Variants in NTRK3 observed in about 807,000 individuals in gnomAD.
NTRK3 encodes the protein neurotrophic receptor tyrosine kinase 3.
NTRK3 carries 24 observed loss-of-function variants against 91.7 expected under a neutral mutation model. That is an observed-to-expected ratio of 0.26 (90% CI 0.19 to 0.37). The LOEUF is 0.37. Ranked by LOEUF, NTRK3 falls within the 10% of genes least tolerant of loss-of-function variation. The pLI is 1.00. For missense variants in NTRK3, 880 were observed against 1,068.9 expected (o/e 0.82, Z 2.46); for synonymous variants, 483 against 404.0 (o/e 1.20, Z -2.34).
chr15:88,213,034 G>A (rs1038283917), intron 3 of NTRK3, among the ~76,000 whole-genome samples: 5 of 152,242 alleles, frequency 3.3e-5, no homozygotes, highest in South Asian at 2.1e-4. Context: ...GAATGGCCCC[G>A]TATGTGTGAG....
chr15:87,995,326 A>G (rs1408847727), intron 14 of NTRK3, among the ~76,000 whole-genome samples: 1 of 152,222 alleles, frequency 6.6e-6, no homozygotes, highest in African/African-American at 2.4e-5. Flanking sequence ...TAAAAGCAGT[A>G]CAGGGAGAGT....
rs60620542 is a variant in NTRK3, at chr15:88,212,700, TCACACACACACACACACACACACACACA to T, written c.249-28429_249-28402del. ...CATGGAAGCTGTTTTGGCTGCTGCA[TCACACACACACACACACACACACACACA>T]CACACACACACACACACACACACAC... is the stretch of plus-strand genomic sequence containing the variant. On this transcript the variant is annotated intron_variant, in intron 3 of 18. Coordinates refer to ENST00000394480, the Ensembl canonical transcript of NTRK3. 5.2e-3 allele frequency among the ~76,000 whole-genome samples: 750 copies of T among 145,070 alleles called. 17 individuals carry two copies. Among genetic ancestry groups the T allele is most frequent in the African/African-American group, 8.4e-3 (321 of 38,208 alleles).
chr15:88,202,840 A>C (rs1267963778), intron 3 of NTRK3, among the ~76,000 whole-genome samples: 1 of 152,228 alleles, frequency 6.6e-6, no homozygotes, highest in Admixed American at 6.5e-5. Flanking sequence ...CCAGAAGATA[A>C]AGAAGGAAAA....
intron 14 of NTRK3, among the ~76,000 whole-genome samples, chr15:87,942,987 C>A (rs1220697878): frequency 6.6e-6 from 1 of 152,106 alleles, no homozygotes; most frequent in East Asian, 1.9e-4. Context: ...GGGAAGAGCA[C>A]CGTTTGGCCC....
At chr15:88,131,268 A>G (rs1457078353) in intron 10 of NTRK3, among the ~76,000 whole-genome samples, 2 of 152,132 alleles carry the variant, frequency 1.3e-5, no homozygotes, top group Non-Finnish European at 2.9e-5. Flanking sequence ...TCATTCATTC[A>G]CCCATTCATT....
intron 17 of NTRK3, among the ~76,000 whole-genome samples, chr15:87,887,713 C>T (rs563757112): frequency 3.3e-5 from 5 of 152,274 alleles, no homozygotes; most frequent in South Asian, 2.1e-4. Flanking sequence ...TTGACAAATA[C>T]GTCCCATGGT....
intron 3 of NTRK3, among the ~76,000 whole-genome samples, chr15:88,200,009 C>G (rs1255004335): frequency 1.3e-5 from 2 of 152,172 alleles, no homozygotes; most frequent in Non-Finnish European, 2.9e-5. Context: ...ACGTCCAACC[C>G]CAATCAGCTC....
chr15:88,192,296 G>A (rs557982628), intron 3 of NTRK3, among the ~76,000 whole-genome samples: 1 of 152,276 alleles, frequency 6.6e-6, no homozygotes, highest in African/African-American at 2.4e-5. Flanking sequence ...CTGGGAGCCA[G>A]CCAGTTCACT....
chr15:88,068,149 T>C (rs2046814769), intron 13 of NTRK3, among the ~76,000 whole-genome samples: 1 of 152,168 alleles, frequency 6.6e-6, no homozygotes, highest in Non-Finnish European at 1.5e-5. Context: ...TTAAGGTTTA[T>C]GGCCAGGTGC....
At position 88,216,196 on chromosome 15, in the gene NTRK3, G is replaced by A. The variant is rs74027903; in HGVS notation, c.249-31897C>T. Among the ~76,000 whole-genome samples the A allele has an allele frequency of 8.5e-3, 1,298 of 152,276 alleles. 23 individuals carry two copies. The highest frequency in any genetic ancestry group is 0.03 in the African/African-American group (1,237 of 41,540). On this transcript the variant is annotated intron_variant, in intron 3 of 18. Coordinates refer to ENST00000394480, the Ensembl canonical transcript of NTRK3. ...CGAGTTGTTATGTTGTAGCTCACTG[G>A]GGCAGGGAGGACAGGAGCAGTTGAT...
exon 7 of NTRK3, chr15:88,137,546 G>A (rs376455375): frequency 1.7e-5 from 28 of 1,613,912 alleles, no homozygotes; most frequent in Non-Finnish European, 2.3e-5. Flanking sequence ...AGTTGAAAAA[G>A]TTCTGCTCCA....
At chr15:88,148,522 G>A (rs1014356036) in intron 5 of NTRK3, among the ~76,000 whole-genome samples, 2 of 152,166 alleles carry the variant, frequency 1.3e-5, no homozygotes, top group Non-Finnish European at 2.9e-5. Flanking sequence ...ACCAAGGGAG[G>A]AGTGTTTCAG....
chr15:88,233,859 A>G lies in NTRK3; in HGVS notation c.248+22047T>C, dbSNP rs2051437836. ...GCCTCCCTAGAACAAAGCCAGAAAC[A>G]TGGCTCTCAGGGCTGTGAAAACAAA... On this transcript the variant is annotated intron_variant, in intron 3 of 18. Transcript: ENST00000394480. The surrounding 1 kb of genome is among the most constrained non-coding windows in gnomAD (Gnocchi z 4.2). 6.6e-6 allele frequency among the ~76,000 whole-genome samples: 1 copy of G among 152,112 alleles called. No individual in the cohort carries two copies. The highest frequency in any genetic ancestry group is 2.4e-5 in the African/African-American group (1 of 41,406).
intron 13 of NTRK3, among the ~76,000 whole-genome samples, chr15:88,058,255 T>G (rs527353380): frequency 6.6e-6 from 1 of 152,194 alleles, no homozygotes; most frequent in Admixed American, 6.5e-5. Flanking sequence ...AGTTCTTGAG[T>G]TCAAATCCCA....
intron 17 of NTRK3, among the ~76,000 whole-genome samples, chr15:87,908,205 T>C (rs940168864): frequency 6.6e-6 from 1 of 152,154 alleles, no homozygotes; most frequent in Non-Finnish European, 1.5e-5. Context: ...CTGGCAGCCA[T>C]GTGAACTCCA....
In NTRK3 at chr15:87,907,263, T is replaced by C. The variant is rs563867535; in HGVS notation, c.2133+21928A>G. Reference sequence around the variant, plus strand: ...GAAGAGATTGATTAATCTTCTATAATGGTTCTGCTTGCAAAATTCTCATAA... The same window carrying C: ...GAAGAGATTGATTAATCTTCTATAACGGTTCTGCTTGCAAAATTCTCATAA... On this transcript the variant is annotated intron_variant, in intron 17 of 18. Transcript: ENST00000394480. 2.6e-5 allele frequency among the ~76,000 whole-genome samples: 4 copies of C among 152,320 alleles called. No homozygotes were observed. The East Asian group carries it at 7.7e-4, about 29-fold the overall frequency.
chr15:88,161,896 TACC>T (rs1481402302), intron 5 of NTRK3, among the ~76,000 whole-genome samples: 1 of 152,164 alleles, frequency 6.6e-6, no homozygotes, highest in Non-Finnish European at 1.5e-5. Context: ...AGGGATTTTT[TACC>T]ACAAGCAATG....
intron 17 of NTRK3, among the ~76,000 whole-genome samples, chr15:87,914,504 T>C (rs1041238073): frequency 2.6e-5 from 4 of 152,250 alleles, no homozygotes; most frequent in Admixed American, 6.5e-5. Context: ...GGGACATTAC[T>C]CTTTTCCCAT....
At chr15:87,998,855 T>C (rs1267556949) in intron 14 of NTRK3, among the ~76,000 whole-genome samples, 1 of 151,372 alleles carries the variant, frequency 6.6e-6, no homozygotes, top group East Asian at 1.9e-4. Flanking sequence ...CCTCACATGA[T>C]GAAGTTCCAA....
Sources: allele counts gnomAD v4.1 joint callset (sites outside exome capture counted in the v4.1 genomes callset), GRCh38; gene constraint gnomAD v4.1.1; non-coding constraint Gnocchi (gnomAD v3.1); transcripts MANE v1.5; gene names NCBI Gene and HGNC (gene_info 2026-07-23, HGNC 2026-07-21).